The following POGK variants were observed in gnomAD, a reference collection of about 807,000 sequenced individuals.
POGK encodes the protein pogo transposable element with KRAB domain.
In POGK, 16 loss-of-function variants were observed where a neutral mutation model predicts 54.4. The observed-to-expected ratio is 0.29, with a 90% CI of 0.20 to 0.45. The LOEUF (loss-of-function observed/expected upper bound fraction) is 0.45. POGK is among the 20% of genes least tolerant of loss of function. The pLI is 1.00. For missense variants in POGK, 515 were observed against 795.6 expected (o/e 0.65, Z 4.24); for synonymous variants, 271 against 302.2 (o/e 0.90, Z 1.07).
chr1:166,846,763 C>T, intron 3 of POGK, 25 bp downstream of exon 3: 1 of 1,613,464 alleles, frequency 6.2e-7, no homozygotes. Context: ...TCCTTTGTCT[C>T]CTGGAAGCTC....
At chr1:166,841,193 C>A in intron 2 of POGK, 105 bp downstream of exon 2, 1 of 1,454,760 alleles carries the variant, frequency 6.9e-7, no homozygotes, top group African/African-American at 1.4e-5. Flanking sequence ...AAAAATAGCC[C>A]AGCCCGGTGT....
chr1:166,842,850 C>A (rs912086690), intron 2 of POGK, among the ~76,000 whole-genome samples: 3 of 152,272 alleles, frequency 2.0e-5, no homozygotes, highest in South Asian at 4.1e-4. Context: ...CCACCACACA[C>A]ACACACACAT....
At position 166,856,167 on chromosome 1, in the gene POGK, A is replaced by C. The variant is rs1303799632; in HGVS notation, c.*3597A>C. The stretch of plus-strand genomic sequence containing the variant: ...CAACATGATAAAACCGTGTCTTTAC[A>C]AAAAAAAAAAATTTTAAATTAGCCG... On this transcript the variant is annotated 3_prime_UTR_variant, in exon 6 of 6. Coordinates refer to ENST00000367876, the MANE Select transcript of POGK (RefSeq NM_017542.5). The C allele has an allele frequency of 6.9e-6, 1 of 144,994 alleles. No homozygotes were observed. 9.0% of individuals were successfully genotyped at this position (144,994 alleles called of 1,614,324 possible). A position where few individuals can be genotyped will look rare whatever the true frequency, so the allele number is the denominator to read the frequency against.
At chr1:166,846,072 G>A (rs976940119) in intron 2 of POGK, among the ~76,000 whole-genome samples, 3 of 152,160 alleles carry the variant, frequency 2.0e-5, no homozygotes, top group Non-Finnish European at 2.9e-5. Flanking sequence ...TAACACTTTG[G>A]TTAGTACCCT....
chr1:166,844,602 CA>C (rs1166593139), intron 2 of POGK, among the ~76,000 whole-genome samples: 1 of 152,144 alleles, frequency 6.6e-6, no homozygotes, highest in African/African-American at 2.4e-5. Context: ...GAAACAGTTC[CA>C]AGTAGAACAA....
At chr1:166,840,671 C>T (rs941653205) in intron 1 of POGK, among the ~76,000 whole-genome samples, 1 of 152,264 alleles carries the variant, frequency 6.6e-6, no homozygotes, top group African/African-American at 2.4e-5. Context: ...TGGCCGGCCT[C>T]TGTTCTGCCG....
rs1409611548 is a variant in POGK, at chr1:166,849,538, C to G, written c.959C>G (p.Ser320Cys). 1 of 1,614,284 alleles carries G rather than the reference C, an allele frequency of 6.2e-7. No individual in the cohort carries two copies. Among genetic ancestry groups the G allele is most frequent in the Admixed American group, 1.7e-5 (1 of 60,034 alleles). Residue 320 changes from serine to cysteine, a missense_variant, in exon 5 of 6, where the codon TCT becomes TGT. Physicochemically the swap from Ser to Cys is moderately radical, Grantham distance 112 (BLOSUM62 -1). This residue lies in a region of POGK where 461 missense variants were observed against 743.5 expected (regional missense o/e 0.62). Transcript: ENST00000367876. ...CRRMMRRYDL[S>C]LRHKVPVPQH... is the part of the protein sequence containing the mutation. ...AGAATGATGAGAAGGTATGACCTGT[C>G]TCTGAGGCATAAAGTGCCCGTGCCC... is the stretch of plus-strand genomic sequence containing the variant.
At chr1:166,852,045 T>TA (rs2101771902) in intron 5 of POGK, 1 of 152,320 alleles carries the variant, frequency 6.6e-6, no homozygotes, top group East Asian at 1.9e-4. Context: ...TTCTTACTAT[T>TA]ACATTCAAAA....
At chr1:166,841,597 G>T (rs1362982025) in intron 2 of POGK, among the ~76,000 whole-genome samples, 1 of 152,208 alleles carries the variant, frequency 6.6e-6, no homozygotes, top group African/African-American at 2.4e-5. Flanking sequence ...GGGTATACAC[G>T]CAGAATAGTA....
In POGK at chr1:166,847,562, G is replaced by A. The variant is rs778039222; in HGVS notation, c.328G>A (p.Glu110Lys). The stretch of plus-strand genomic sequence containing the variant: ...GGAGGAGGAGTCTCAGAATTCTGAC[G>A]AGTGGCAGCTCCAAGGAGGCACCTC... ...EGEEESQNSD[E>K]WQLQGGTSAE... is the part of the protein sequence containing the mutation. Residue 110 changes from glutamate to lysine, a missense_variant, in exon 4 of 6, where the codon GAG becomes AAG. Coordinates refer to ENST00000367876, the MANE Select transcript of POGK (RefSeq NM_017542.5). 7.2e-5 allele frequency: 116 copies of A among 1,613,894 alleles called. No homozygotes were observed. The highest frequency in any genetic ancestry group is 1.5e-4 in the Admixed American group (9 of 60,020).
rs1038708063 is a variant in POGK at position 166,855,825 on chromosome 1, T to A, written c.*3255T>A. The A allele has an allele frequency of 3.3e-4, 50 of 152,344 alleles. No individual in the cohort carries two copies. The highest frequency in any genetic ancestry group is 1.1e-3 in the African/African-American group (47 of 41,578). The allele number at this position is 152,344 out of a possible 1,614,324, so 9.4% of individuals were successfully genotyped here. A position where few individuals can be genotyped will look rare whatever the true frequency, so the allele number is the denominator to read the frequency against. ...AGCTGCCTCTCCATCTATGGAACTA[T>A]GAAATTTCACACATATTCCCTAGGC... On this transcript the variant is annotated 3_prime_UTR_variant, in exon 6 of 6. Coordinates refer to ENST00000367876, the MANE Select transcript of POGK (RefSeq NM_017542.5).
At chr1:166,852,408 T>G (rs530807157) in intron 5 of POGK, 177 bp from the exon 6 acceptor site, 20 of 152,348 alleles carry the variant, frequency 1.3e-4, no homozygotes, top group African/African-American at 4.3e-4. Context: ...CTGCAGCTCC[T>G]GAGGAAGTGA....
At chr1:166,846,465 G>T in intron 2 of POGK, 147 bp from the exon 3 acceptor site, 1 of 1,017,986 alleles carries the variant, frequency 9.8e-7, no homozygotes, top group Non-Finnish European at 1.5e-6. Flanking sequence ...TATGAATGTG[G>T]ACAGTCCGTT....
At chr1:166,851,166 G>A (rs1658048681) in intron 5 of POGK, 1 of 152,188 alleles carries the variant, frequency 6.6e-6, no homozygotes, top group Non-Finnish European at 1.5e-5. Context: ...GGGCCAGTAT[G>A]TGTAACTGAC....
At position 166,840,978 on chromosome 1, in the gene POGK, C is replaced by T. The variant is rs780719034; in HGVS notation, c.22C>T (p.Leu8Phe). Residue 8 changes from leucine (L) to phenylalanine (F), a missense_variant, in exon 2 of 6, where the codon CTC (leucine) becomes TTC (phenylalanine). This residue lies in a region of POGK where 54 missense variants were observed against 52.0 expected (regional missense o/e 1.04). Transcript: ENST00000367876. MESTAYP[L>F]NLSLKEEEEE... Reference sequence around the variant, plus strand: ...AGAGATGGAGTCCACAGCCTACCCTCTCAATTTGAGCCTGAAAGAAGAGGA... The same window carrying T: ...AGAGATGGAGTCCACAGCCTACCCTTTCAATTTGAGCCTGAAAGAAGAGGA... 8.7e-6 allele frequency: 14 copies of T among 1,613,926 alleles called. No homozygotes were observed. Among genetic ancestry groups the T allele is most frequent in the Admixed American group, 1.7e-5 (1 of 59,994 alleles).
chr1:166,843,073 A>AT (rs1181838450), intron 2 of POGK, among the ~76,000 whole-genome samples: 1 of 152,264 alleles, frequency 6.6e-6, no homozygotes, highest in East Asian at 1.9e-4. Flanking sequence ...TAGAAATACA[A>AT]TTTTAAGTAG....
chr1:166,854,724 A>G lies in POGK; in HGVS notation c.*2154A>G, dbSNP rs1658217650. 6.6e-6 allele frequency: 1 copy of G among 152,242 alleles called. No individual in the cohort carries two copies. Among genetic ancestry groups the G allele is most frequent in the Non-Finnish European group, 1.5e-5 (1 of 68,044 alleles). The allele number at this position is 152,242 out of a possible 1,614,324, so 9.4% of individuals were successfully genotyped here. ...TTTTGTATGCTCTCAGCAGTGGTAC[A>G]TTACCAAAATCACATGAAAGAAATC... On this transcript the variant is annotated 3_prime_UTR_variant, in exon 6 of 6. Transcript: ENST00000367876.
At chr1:166,850,542 A>G in intron 5 of POGK, 119 bp downstream of exon 5, 1 of 1,202,562 alleles carries the variant, frequency 8.3e-7, no homozygotes, top group Non-Finnish European at 1.1e-6. Flanking sequence ...GCAGTAGTGT[A>G]GATCAGGGGT....
In POGK at chr1:166,849,566, G is replaced by A; in HGVS notation, c.987G>A (p.Gln329=). Residue 329 remains glutamine (Q), a synonymous_variant, in exon 5 of 6, where the codon CAG becomes CAA. Transcript: ENST00000367876. ...TGAGGCATAAAGTGCCCGTGCCCCAGCACCTGCCGGAAGACCTGACTGAGA... is the reference window on the plus strand; with the variant it reads ...TGAGGCATAAAGTGCCCGTGCCCCAACACCTGCCGGAAGACCTGACTGAGA... The part of the protein sequence containing the change: ...LSLRHKVPVP[Q]HLPEDLTEKL... 2 of 1,614,288 alleles carry A rather than the reference G, an allele frequency of 1.2e-6. No individual in the cohort carries two copies. Among genetic ancestry groups the A allele is most frequent in the Non-Finnish European group, 1.7e-6 (2 of 1,180,056 alleles).
Sources: allele counts gnomAD v4.1 joint callset (sites outside exome capture counted in the v4.1 genomes callset), GRCh38; gene constraint gnomAD v4.1.1; regional missense constraint gnomAD v4.1.1; transcripts MANE v1.5; gene names NCBI Gene and HGNC (gene_info 2026-07-23, HGNC 2026-07-21).